The following EYA4 variants were observed in gnomAD, a reference collection of about 807,000 sequenced individuals.
The protein encoded by EYA4 is EYA transcriptional coactivator and phosphatase 4.
EYA4 carries 31 observed loss-of-function variants against 87.9 expected under a neutral mutation model. The ratio of observed to expected loss-of-function variants is 0.35; its 90% CI spans 0.27 to 0.48. EYA4 has a LOEUF of 0.48. EYA4 is among the 20% of genes least tolerant of loss of function. EYA4 has a pLI of 0.99. For synonymous variants in EYA4, 263 were observed against 270.6 expected (o/e 0.97, Z 0.28); for missense variants, 678 against 761.4 (o/e 0.89, Z 1.29).
chr6:133,434,858 T>A (rs1791510182), intron 3 of EYA4, among the ~76,000 whole-genome samples: 1 of 152,206 alleles, frequency 6.6e-6, no homozygotes, highest in South Asian at 2.1e-4. Context: ...TTAGTACAAT[T>A]GATGGCATTA....
intron 13 of EYA4, among the ~76,000 whole-genome samples, chr6:133,494,716 G>A (rs987747952): frequency 6.6e-6 from 1 of 151,568 alleles, no homozygotes; most frequent in African/African-American, 2.4e-5. Flanking sequence ...GCTGGGCATG[G>A]TGGTGTATGC....
intron 2 of EYA4, among the ~76,000 whole-genome samples, chr6:133,320,886 C>G (rs1368219662): frequency 6.6e-6 from 1 of 152,162 alleles, no homozygotes; most frequent in Non-Finnish European, 1.5e-5. Flanking sequence ...GTATCCTGAA[C>G]TCATTTTTCT....
intron 3 of EYA4, among the ~76,000 whole-genome samples, chr6:133,420,557 TC>T (rs1484574185): frequency 6.6e-6 from 1 of 152,228 alleles, no homozygotes; most frequent in Non-Finnish European, 1.5e-5. Context: ...AGGCATCCAT[TC>T]TTTCTGCCTG....
At chr6:133,416,592 A>G (rs576312172) in intron 3 of EYA4, among the ~76,000 whole-genome samples, 24 of 152,242 alleles carry the variant, frequency 1.6e-4, no homozygotes, top group Non-Finnish European at 2.6e-4. Context: ...GAATTTCAAC[A>G]TCATATAGAT....
At chr6:133,433,034 C>G (rs551716032) in intron 3 of EYA4, among the ~76,000 whole-genome samples, 6 of 152,188 alleles carry the variant, frequency 3.9e-5, no homozygotes, top group South Asian at 2.1e-4. Flanking sequence ...ATATTGTTAT[C>G]TAATAAAAGC....
intron 6 of EYA4, among the ~76,000 whole-genome samples, chr6:133,457,580 C>T (rs1794017855): frequency 1.3e-5 from 2 of 152,024 alleles, no homozygotes. Flanking sequence ...TACAGATGAT[C>T]TAATTTCACT....
chr6:133,462,708 G>C lies in EYA4; in HGVS notation c.668G>C (p.Ser223Thr), dbSNP rs1468256328. 2 of 1,613,750 alleles carry C rather than the reference G, an allele frequency of 1.2e-6. No homozygotes were observed. Among genetic ancestry groups the C allele is most frequent in the Non-Finnish European group, 1.7e-6 (2 of 1,179,902 alleles). ...TTACAGAGTGGCTGCCTCAGTTACA[G>C]CCCAGGGTTCTCTACCCCACAGCCA... Reference protein sequence around the residue: ...SPLQSGCLSYSPGFSTPQPGQ... With the variant: ...SPLQSGCLSYTPGFSTPQPGQ... The change falls in exon 9 of 20, where the codon AGC becomes ACC. Residue 223 changes from serine (S) to threonine (T), a missense_variant. By Grantham distance (58) the Ser-to-Thr change is moderately conservative. Coordinates refer to ENST00000355286, the MANE Select transcript of EYA4 (RefSeq NM_004100.5).
rs1390223163 is a variant in EYA4, at chr6:133,425,332, G to A, written c.84-21298G>A. Among the ~76,000 whole-genome samples the A allele has an allele frequency of 2.0e-5, 3 of 150,400 alleles. No homozygotes were observed. In the East Asian group the frequency reaches 5.9e-4, roughly 30 times the overall value. On this transcript the variant is annotated intron_variant, in intron 3 of 19. Coordinates refer to ENST00000355286, the MANE Select transcript of EYA4 (RefSeq NM_004100.5). ...TTTGGCAAAATCTGCAATCTAATTA[G>A]GAAAACAAAGCAAGCACACCTAAGA... is the stretch of plus-strand genomic sequence containing the variant.
At chr6:133,379,846 C>G (rs745969530) in intron 2 of EYA4, among the ~76,000 whole-genome samples, 5 of 152,154 alleles carry the variant, frequency 3.3e-5, no homozygotes, top group Admixed American at 6.5e-5. Context: ...GCCCTCACCT[C>G]ATCCCCCTTC....
At chr6:133,462,795 G>C in intron 9 of EYA4, 31 bp downstream of exon 9, 1 of 1,606,770 alleles carries the variant, frequency 6.2e-7, no homozygotes, top group Non-Finnish European at 8.5e-7. Context: ...CATGTTTTGG[G>C]AGAACTAATT....
At chr6:133,328,714 C>CA (rs142399759) in intron 2 of EYA4, among the ~76,000 whole-genome samples, 66,496 of 151,622 alleles carry the variant, frequency 0.44, 15,275 homozygotes, top group Non-Finnish European at 0.53. Context: ...AACAAACAAA[C>CA]AAAAAAACCA....
At chr6:133,482,970 T>C in intron 12 of EYA4, 62 bp from the exon 13 acceptor site, 2 of 1,277,480 alleles carry the variant, frequency 1.6e-6, no homozygotes, top group Non-Finnish European at 2.3e-6. Flanking sequence ...ATTTTCTGCT[T>C]GTAAAGAGAT....
intron 3 of EYA4, among the ~76,000 whole-genome samples, chr6:133,396,118 G>T (rs1426423724): frequency 1.3e-5 from 2 of 152,090 alleles, no homozygotes; most frequent in Non-Finnish European, 2.9e-5. Context: ...AAAGCTCTTT[G>T]AAAGGAAAGA....
chr6:133,449,506 A>G (rs2128629186), intron 5 of EYA4, among the ~76,000 whole-genome samples: 1 of 152,310 alleles, frequency 6.6e-6, no homozygotes, highest in South Asian at 2.1e-4. Flanking sequence ...AGTGGTAAGC[A>G]TCAGGCTTTC....
chr6:133,407,140 A>G (rs1320689317), intron 3 of EYA4, among the ~76,000 whole-genome samples: 1 of 151,638 alleles, frequency 6.6e-6, no homozygotes, highest in African/African-American at 2.4e-5. Flanking sequence ...GTCTAATTAA[A>G]CTCCTTACAT....
At chr6:133,514,700 TTTTTC>T (rs1213401081) in intron 16 of EYA4, among the ~76,000 whole-genome samples, 4 of 152,206 alleles carry the variant, frequency 2.6e-5, no homozygotes, top group Admixed American at 1.3e-4. Context: ...ACATCTATCT[TTTTTC>T]TTTTAACATC....
intron 16 of EYA4, 42 bp from the exon 17 acceptor site, chr6:133,515,279 A>G: frequency 1.1e-6 from 1 of 924,340 alleles, no homozygotes; most frequent in Non-Finnish European, 1.8e-6. Context: ...TTCTGAGACA[A>G]TATTCATCTC....
At chr6:133,335,390 G>A (rs1782288647) in intron 2 of EYA4, among the ~76,000 whole-genome samples, 1 of 152,094 alleles carries the variant, frequency 6.6e-6, no homozygotes, top group Admixed American at 6.6e-5. Flanking sequence ...TATTCATTGG[G>A]TTCATTTAAT....
In EYA4 at chr6:133,342,239, AT is replaced by A. The variant is rs1456509936; in HGVS notation, c.34-40149del. Among the ~76,000 whole-genome samples, 8 of 151,208 alleles carry A rather than the reference AT, an allele frequency of 5.3e-5. 1 individual carries two copies. Among genetic ancestry groups the A allele is most frequent in the African/African-American group, 1.9e-4 (8 of 41,236 alleles). On this transcript the variant is annotated intron_variant, in intron 2 of 19. Coordinates refer to ENST00000355286, the MANE Select transcript of EYA4 (RefSeq NM_004100.5). ...GTCAGGTGGCTGGTGCCATGGAAGC[AT>A]TTTGGATCTGGTACCTACTGGCTAC...
Sources: allele counts gnomAD v4.1 joint callset (sites outside exome capture counted in the v4.1 genomes callset), GRCh38; gene constraint gnomAD v4.1.1; transcripts MANE v1.5; gene names NCBI Gene and HGNC (gene_info 2026-07-23, HGNC 2026-07-21).